The following KCNH1 variants were observed in gnomAD, a reference collection of about 807,000 sequenced individuals.
KCNH1 encodes the protein voltage-gated delayed rectifier potassium channel KCNH1.
KCNH1 carries 27 observed loss-of-function variants against 69.2 expected under a neutral mutation model. That is an observed-to-expected ratio of 0.39 (90% CI 0.29 to 0.54). The LOEUF (loss-of-function observed/expected upper bound fraction) is 0.54, where lower values mean the gene tolerates loss of function less well. Ranked by LOEUF, KCNH1 falls within the 20% of genes least tolerant of loss-of-function variation. KCNH1 has a pLI of 0.68. For synonymous variants in KCNH1, 456 were observed against 487.7 expected, an observed-to-expected ratio of 0.93 and a Z score of 0.86; for missense variants, 798 against 1,261.6, an observed-to-expected ratio of 0.63 and a Z score of 5.57.
At chr1:210,953,139 AT>A (rs1446332360) in intron 6 of KCNH1, among the ~76,000 whole-genome samples, 1 of 151,960 alleles carries the variant, frequency 6.6e-6, no homozygotes, top group Non-Finnish European at 1.5e-5. Context: ...CTACCTTTCT[AT>A]TTTCTTAGAG....
At position 210,953,470 on chromosome 1, in the gene KCNH1, C is replaced by T. The variant is rs1688102169; in HGVS notation, c.1033-33401G>A. 2.6e-5 allele frequency among the ~76,000 whole-genome samples: 4 copies of T among 152,304 alleles called. No individual in the cohort carries two copies. The South Asian group carries it at 8.3e-4, about 32-fold the overall frequency. ...TCAAAATTTTGTCTTACCCTGGCTT[C>T]TGTGAAAACTCTCTCTTGGTTTTGC... On this transcript the variant is annotated intron_variant, in intron 6 of 10. Transcript: ENST00000271751.
At position 211,054,816 on chromosome 1, in the gene KCNH1, G is replaced by A. The variant is rs1690273253; in HGVS notation, c.558+27964C>T. 5.3e-5 allele frequency among the ~76,000 whole-genome samples: 8 copies of A among 152,062 alleles called. No homozygotes were observed. In the South Asian group the frequency reaches 1.7e-3, roughly 32 times the overall value. On this transcript the variant is annotated intron_variant, in intron 5 of 10. Coordinates refer to ENST00000271751, the MANE Select transcript of KCNH1 (RefSeq NM_172362.3). ...AAAAAAATAAAAATAACATTGAGTGGAAATTAAGGAAAGAGGAAGGGAGAT... is the reference window on the plus strand; with the variant it reads ...AAAAAAATAAAAATAACATTGAGTGAAAATTAAGGAAAGAGGAAGGGAGAT...
chr1:210,862,145 G>A, intron 7 of KCNH1: 1 of 1,335,652 alleles, frequency 7.5e-7, no homozygotes, highest in East Asian at 2.3e-5. Flanking sequence ...AAATCCAGCT[G>A]TTCCGACATA....
At chr1:210,787,471 T>C (rs17016898) in intron 9 of KCNH1, among the ~76,000 whole-genome samples, 1,587 of 152,350 alleles carry the variant, frequency 0.01, 31 homozygotes, top group African/African-American at 0.037. Flanking sequence ...GAGAGGTGTA[T>C]CTGTTTGGCC....
intron 6 of KCNH1, among the ~76,000 whole-genome samples, chr1:210,953,061 C>T (rs1688092535): frequency 6.6e-6 from 1 of 152,138 alleles, no homozygotes; most frequent in Admixed American, 6.5e-5. Context: ...CCCAGATAAT[C>T]AAAGCTATCA....
At chr1:210,858,322 T>C (rs1685899874) in intron 7 of KCNH1, 1 of 152,018 alleles carries the variant, frequency 6.6e-6, no homozygotes, top group Non-Finnish European at 1.5e-5. Flanking sequence ...ACAGAGGGAG[T>C]TGTCATTTTT....
At chr1:210,806,084 G>A (rs936182689) in intron 7 of KCNH1, among the ~76,000 whole-genome samples, 2 of 152,166 alleles carry the variant, frequency 1.3e-5, no homozygotes, top group Admixed American at 1.3e-4. Context: ...ATATACCTAG[G>A]AGTGAAATTG....
chr1:211,023,838 C>T (rs1394843044), intron 5 of KCNH1, among the ~76,000 whole-genome samples: 2 of 151,978 alleles, frequency 1.3e-5, no homozygotes, highest in African/African-American at 2.4e-5. Context: ...CAATAAAAAT[C>T]GTTTTTTAAA....
chr1:210,939,318 G>T (rs940974266), intron 6 of KCNH1, among the ~76,000 whole-genome samples: 7 of 152,072 alleles, frequency 4.6e-5, no homozygotes, highest in South Asian at 2.1e-4. Flanking sequence ...GAAAAATTTG[G>T]CAAGAAATGA....
chr1:210,985,948 T>C (rs1688824161), intron 6 of KCNH1, among the ~76,000 whole-genome samples: 1 of 152,224 alleles, frequency 6.6e-6, no homozygotes, highest in Non-Finnish European at 1.5e-5. Context: ...AAGGACTTGC[T>C]TTATGAATCT....
intron 7 of KCNH1, among the ~76,000 whole-genome samples, chr1:210,822,188 C>G (rs1432848443): frequency 1.3e-5 from 2 of 151,938 alleles, no homozygotes; most frequent in African/African-American, 2.4e-5. Context: ...GCAGGGCATG[C>G]ATTGGGCCCA....
intron 10 of KCNH1, among the ~76,000 whole-genome samples, chr1:210,760,036 G>A (rs888359075): frequency 2.0e-5 from 3 of 152,078 alleles, no homozygotes; most frequent in Non-Finnish European, 2.9e-5. Flanking sequence ...CTGTGCACGC[G>A]AGGAATCTAG....
chr1:211,068,716 G>A (rs1690579192), intron 5 of KCNH1, among the ~76,000 whole-genome samples: 1 of 152,156 alleles, frequency 6.6e-6, no homozygotes, highest in African/African-American at 2.4e-5. Flanking sequence ...AGATACATCA[G>A]AGAAGTGAGT....
chr1:210,923,466 A>G (rs1200321569), intron 6 of KCNH1, among the ~76,000 whole-genome samples: 1 of 152,178 alleles, frequency 6.6e-6, no homozygotes, highest in Non-Finnish European at 1.5e-5. Flanking sequence ...AGTGGCCACC[A>G]CAATCCATGC....
intron 6 of KCNH1, among the ~76,000 whole-genome samples, chr1:210,963,547 G>A (rs553653623): frequency 6.6e-6 from 1 of 152,182 alleles, no homozygotes; most frequent in African/African-American, 2.4e-5. Flanking sequence ...TTCAAAAATG[G>A]TTAGTAGAGG....
At chr1:210,942,506 G>A (rs1687893168) in intron 6 of KCNH1, among the ~76,000 whole-genome samples, 3 of 152,252 alleles carry the variant, frequency 2.0e-5, no homozygotes, top group Admixed American at 6.5e-5. Context: ...AGCTAAAAAA[G>A]AAAAGAAAGT....
At chr1:210,889,480 T>G (rs558381407) in intron 7 of KCNH1, among the ~76,000 whole-genome samples, 7 of 152,346 alleles carry the variant, frequency 4.6e-5, no homozygotes, top group Admixed American at 3.3e-4. Flanking sequence ...AAGCATTCTC[T>G]TTGAAAACCA....
chr1:210,699,356 G>T (rs959201252), intron 10 of KCNH1, among the ~76,000 whole-genome samples: 22 of 152,192 alleles, frequency 1.4e-4, no homozygotes, highest in African/African-American at 5.3e-4. Context: ...TCAAACCTGG[G>T]CACAGCATGG....
At chr1:210,978,535 C>T (rs771725147) in intron 6 of KCNH1, among the ~76,000 whole-genome samples, 34 of 152,086 alleles carry the variant, frequency 2.2e-4, no homozygotes, top group Non-Finnish European at 4.4e-4. Context: ...GAAACCTGAA[C>T]ATTATAGGTA....
Sources: allele counts gnomAD v4.1 joint callset (sites outside exome capture counted in the v4.1 genomes callset), GRCh38; gene constraint gnomAD v4.1.1; transcripts MANE v1.5; gene names NCBI Gene and HGNC (gene_info 2026-07-23, HGNC 2026-07-21).